Variants in LDB2 observed in about 807,000 individuals in gnomAD.
The protein encoded by LDB2 is LIM domain binding 2.
LDB2 carries 12 observed loss-of-function variants against 44.3 expected under a neutral mutation model. That is an observed-to-expected ratio of 0.27 (90% CI 0.17 to 0.44). The LOEUF (loss-of-function observed/expected upper bound fraction) is 0.44. Among genes scored for constraint, LDB2 ranks in the 20% least tolerant of loss-of-function variants. The pLI is 1.00. For synonymous variants in LDB2, 164 were observed against 174.8 expected (o/e 0.94, Z 0.49); for missense variants, 344 against 473.5 (o/e 0.73, Z 2.54).
At chr4:16,661,745 G>A (rs1260450199) in intron 2 of LDB2, among the ~76,000 whole-genome samples, 12 of 152,156 alleles carry the variant, frequency 7.9e-5, no homozygotes, top group Admixed American at 7.9e-4. Context: ...ATGACTGAAT[G>A]AATTGAAAAT....
At chr4:16,515,130 T>G (rs1242688940) in intron 5 of LDB2, among the ~76,000 whole-genome samples, 1 of 152,236 alleles carries the variant, frequency 6.6e-6, no homozygotes, top group Non-Finnish European at 1.5e-5. Context: ...ATCATGTTCT[T>G]TGTAGTAACA....
At chr4:16,575,468 T>C (rs1367934048) in intron 5 of LDB2, among the ~76,000 whole-genome samples, 1 of 152,228 alleles carries the variant, frequency 6.6e-6, no homozygotes, top group African/African-American at 2.4e-5. Flanking sequence ...AATAGATATT[T>C]ACAGACCATT....
rs78801154 is a variant in LDB2 at position 16,695,436 on chromosome 4, G to T, written c.235+63722C>A. ...GATCACACCGCTGCACTCCAGCCTT[G>T]GCAAGACAGAGCAAGACTCTGTCAA... On this transcript the variant is annotated intron_variant, in intron 2 of 7. Transcript: ENST00000304523. Among the ~76,000 whole-genome samples, 246 of 151,096 alleles carry T rather than the reference G, an allele frequency of 1.6e-3. 1 individual carries two copies. Among genetic ancestry groups the T allele is most frequent in the African/African-American group, 5.7e-3 (235 of 41,056 alleles).
intron 2 of LDB2, among the ~76,000 whole-genome samples, chr4:16,685,532 G>A (rs1284579748): frequency 6.6e-6 from 1 of 152,068 alleles, no homozygotes; most frequent in East Asian, 1.9e-4. Flanking sequence ...CCTGTTGAAT[G>A]GACCTAATAT....
At chr4:16,688,632 C>T (rs1388733472) in intron 2 of LDB2, among the ~76,000 whole-genome samples, 1 of 152,114 alleles carries the variant, frequency 6.6e-6, no homozygotes, top group African/African-American at 2.4e-5. Flanking sequence ...ATGACTTGTC[C>T]AGGAGACCTA....
intron 2 of LDB2, among the ~76,000 whole-genome samples, chr4:16,752,674 G>A (rs1765712132): frequency 1.3e-5 from 2 of 152,174 alleles, no homozygotes; most frequent in Non-Finnish European, 2.9e-5. Flanking sequence ...CTAAGCTAAA[G>A]TTACAGGTGC....
chr4:16,586,519 C>CA (rs1248034009), intron 4 of LDB2, among the ~76,000 whole-genome samples: 11 of 86,298 alleles, frequency 1.3e-4, no homozygotes, highest in African/African-American at 4.6e-4. Flanking sequence ...CACACACACA[C>CA]ACACACAAAA....
At chr4:16,717,006 G>T (rs2152674153) in intron 2 of LDB2, among the ~76,000 whole-genome samples, 1 of 152,092 alleles carries the variant, frequency 6.6e-6, no homozygotes, top group African/African-American at 2.4e-5. Flanking sequence ...AAGTAATGGT[G>T]CAGATAAAGT....
chr4:16,731,638 C>A (rs1229247468), intron 2 of LDB2, among the ~76,000 whole-genome samples: 3 of 152,184 alleles, frequency 2.0e-5, no homozygotes, highest in Non-Finnish European at 2.9e-5. Context: ...GACTTTCCAG[C>A]CTTCAACACT....
chr4:16,591,685 G>C (rs1719012263), intron 3 of LDB2, among the ~76,000 whole-genome samples: 1 of 152,184 alleles, frequency 6.6e-6, no homozygotes, highest in Non-Finnish European at 1.5e-5. Flanking sequence ...TTTGTGATTT[G>C]TTTTACATGC....
Position 16,615,065 on chromosome 4 carries a change from G to A in LDB2, c.236-19190C>T, listed in dbSNP as rs868567348. On this transcript the variant is annotated intron_variant, in intron 2 of 7. Coordinates refer to ENST00000304523, the MANE Select transcript of LDB2 (RefSeq NM_001290.5). Reference sequence around the variant, plus strand: ...AGCCTGGGCGACAGAGCGAGACTCCGTCTCAAAAAAAAAAAAAAAAAAAAA... The same window carrying A: ...AGCCTGGGCGACAGAGCGAGACTCCATCTCAAAAAAAAAAAAAAAAAAAAA... Among the ~76,000 whole-genome samples the A allele has an allele frequency of 3.0e-4, 26 of 85,954 alleles. 2 individuals are homozygous for A. The South Asian group carries it at 8.9e-3, about 29-fold the overall frequency. 56.4% of individuals were successfully genotyped at this position (85,954 alleles called of 152,430 possible).
chr4:16,704,869 A>G (rs1455561583), intron 2 of LDB2, among the ~76,000 whole-genome samples: 2 of 152,184 alleles, frequency 1.3e-5, no homozygotes, highest in South Asian at 4.1e-4. Context: ...GGCAGGTAGA[A>G]AATAAAGATG....
chr4:16,758,970 G>A (rs16893938), intron 2 of LDB2, among the ~76,000 whole-genome samples, 188 bp downstream of exon 2: 2,161 of 152,144 alleles, frequency 0.014, 57 homozygotes, highest in African/African-American at 0.049. Flanking sequence ...TCTAAGCCTC[G>A]AAGGAAACCT....
intron 2 of LDB2, among the ~76,000 whole-genome samples, chr4:16,757,358 G>T (rs886636440): frequency 6.6e-6 from 1 of 152,108 alleles, no homozygotes; most frequent in Non-Finnish European, 1.5e-5. Context: ...ATTTTGGCTC[G>T]GAGAAACAAA....
chr4:16,777,745 A>G (rs936284560), intron 1 of LDB2, among the ~76,000 whole-genome samples: 2 of 152,182 alleles, frequency 1.3e-5, no homozygotes, highest in Non-Finnish European at 2.9e-5. Flanking sequence ...CAGCAATCAC[A>G]TCTGCCTGGG....
At chr4:16,627,533 A>G (rs544153677) in intron 2 of LDB2, among the ~76,000 whole-genome samples, 2 of 152,210 alleles carry the variant, frequency 1.3e-5, no homozygotes, top group East Asian at 3.9e-4. Context: ...CTTATGTGTC[A>G]GGTCTTTTAC....
intron 1 of LDB2, among the ~76,000 whole-genome samples, chr4:16,808,127 A>G (rs756281304): frequency 6.6e-6 from 1 of 152,182 alleles, no homozygotes; most frequent in Non-Finnish European, 1.5e-5. Flanking sequence ...AAAGGAAAGG[A>G]AAGCAGAAAA....
At chr4:16,521,612 T>A (rs1166757814) in intron 5 of LDB2, among the ~76,000 whole-genome samples, 1 of 152,136 alleles carries the variant, frequency 6.6e-6, no homozygotes, top group Admixed American at 6.5e-5. Context: ...ATTTCTTGCC[T>A]TCTCTGTAGT....
At chr4:16,832,343 G>T (rs182366775) in intron 1 of LDB2, among the ~76,000 whole-genome samples, 2 of 152,202 alleles carry the variant, frequency 1.3e-5, no homozygotes, top group East Asian at 3.9e-4. Context: ...CAGAGTTAGG[G>T]TTGCTAAAAT....
Sources: allele counts gnomAD v4.1 joint callset (sites outside exome capture counted in the v4.1 genomes callset), GRCh38; gene constraint gnomAD v4.1.1; transcripts MANE v1.5; gene names NCBI Gene and HGNC (gene_info 2026-07-23, HGNC 2026-07-21).